Variants in PEX3 observed in about 807,000 individuals in gnomAD.
The protein encoded by PEX3 is peroxin-3.
A neutral mutation model predicts 55.8 loss-of-function variants in PEX3; 30 were observed. That is an observed-to-expected ratio of 0.54 (90% CI 0.40 to 0.73). The LOEUF (loss-of-function observed/expected upper bound fraction) is 0.73, where lower values mean the gene tolerates loss of function less well. PEX3 is among the 30% of genes least tolerant of loss of function. The pLI is 0.00. For missense variants in PEX3, 351 were observed against 432.8 expected (o/e 0.81, Z 1.68); for synonymous variants, 135 against 148.4 (o/e 0.91, Z 0.66).
At chr6:143,480,553 C>T (rs1190769639) in intron 10 of PEX3, among the ~76,000 whole-genome samples, 1 of 152,122 alleles carries the variant, frequency 6.6e-6, no homozygotes, top group Non-Finnish European at 1.5e-5. Context: ...ATCTTGTGCC[C>T]TTTCATGTCT....
chr6:143,462,357 A>G lies in PEX3; in HGVS notation c.206-559A>G, dbSNP rs1158039330. Among the ~76,000 whole-genome samples, 1 of 152,194 alleles carries G rather than the reference A, an allele frequency of 6.6e-6. No individual in the cohort carries two copies. The highest frequency in any genetic ancestry group is 1.5e-5 in the Non-Finnish European group (1 of 68,032). Reference sequence around the variant, plus strand: ...AAACATGTACAATAAACAGTAACAAATAATACCCACTGACAAAACTAAAAC... The same window carrying G: ...AAACATGTACAATAAACAGTAACAAGTAATACCCACTGACAAAACTAAAAC... On this transcript the variant is annotated intron_variant, in intron 2 of 11. Transcript: ENST00000367591. This position sits in a 1 kb window ranked among gnomAD's most constrained non-coding sequence, Gnocchi z 4.1.
At chr6:143,472,068 G>A in intron 7 of PEX3, 92 bp from the exon 8 acceptor site, 1 of 886,420 alleles carries the variant, frequency 1.1e-6, no homozygotes, top group Non-Finnish European at 1.8e-6. Context: ...AGAAGAAACA[G>A]GATTTTAGAT....
chr6:143,473,957 C>T (rs1780112256), intron 8 of PEX3, among the ~76,000 whole-genome samples: 1 of 151,280 alleles, frequency 6.6e-6, no homozygotes, highest in Admixed American at 6.6e-5. Flanking sequence ...CAAGACCCTA[C>T]CCCTACAAAA....
rs895225240 is a variant in PEX3 at position 143,465,238 on chromosome 6, C to G, written c.287+2241C>G. Among the ~76,000 whole-genome samples, 1 of 151,854 alleles carries G rather than the reference C, an allele frequency of 6.6e-6. No individual in the cohort carries two copies. The highest frequency in any genetic ancestry group is 1.5e-5 in the Non-Finnish European group (1 of 67,850). ...ATATTTGTGTTGAAGGTACTTTTCT[C>G]TGTTCTACATAGATTTGGAATCTTT... On this transcript the variant is annotated intron_variant, in intron 3 of 11. Coordinates refer to ENST00000367591, the MANE Select transcript of PEX3 (RefSeq NM_003630.3). The surrounding 1 kb of genome is among the most constrained non-coding windows in gnomAD (Gnocchi z 4.7).
rs780373327 is a variant in PEX3 at position 143,479,117 on chromosome 6, G to T, written c.860G>T (p.Gly287Val). ...GTTTTGAATACCTGTTTAAACCGAG[G>T]TTTTAGTAGACTTCTAGACAATATG... ...STVLNTCLNR[G>V]FSRLLDNMAE... The change falls in exon 10 of 12, where the codon GGT becomes GTT. Residue 287 changes from glycine (G) to valine (V), a missense_variant. By Grantham distance (109) the Gly-to-Val change is moderately radical. Transcript: ENST00000367591. The surrounding 1 kb of genome is among the most constrained non-coding windows in gnomAD (Gnocchi z 4.6). The T allele has an allele frequency of 1.9e-6, 3 of 1,593,046 alleles. No homozygotes were observed. In the East Asian group the frequency reaches 6.7e-5, roughly 36 times the overall value.
rs1395214149 is a variant in PEX3, at chr6:143,464,697, A to G, written c.287+1700A>G. On this transcript the variant is annotated intron_variant, in intron 3 of 11. Transcript: ENST00000367591. The surrounding 1 kb of genome is among the most constrained non-coding windows in gnomAD (Gnocchi z 5.8). Reference sequence around the variant, plus strand: ...GGCTTTCTTTTGATTTGAAATTACTATTTGTAATTTGGTGGGGGGAGAAGG... The same window carrying G: ...GGCTTTCTTTTGATTTGAAATTACTGTTTGTAATTTGGTGGGGGGAGAAGG... Among the ~76,000 whole-genome samples the G allele has an allele frequency of 6.6e-6, 1 of 151,710 alleles. No individual in the cohort carries two copies. Among genetic ancestry groups the G allele is most frequent in the Non-Finnish European group, 1.5e-5 (1 of 67,782 alleles).
chr6:143,479,234 G>C lies in PEX3; in HGVS notation c.941+36G>C. On this transcript the variant is annotated intron_variant, in intron 10 of 11. Transcript: ENST00000367591. The surrounding 1 kb of genome is among the most constrained non-coding windows in gnomAD (Gnocchi z 4.6). ...ATATAAAAATGTTATACTAATGAAT[G>C]CTCTAAAAAAATGGTGCTTTGCTTG... 6.5e-7 allele frequency: 1 copy of C among 1,528,716 alleles called. No individual in the cohort carries two copies. Among genetic ancestry groups the C allele is most frequent in the Non-Finnish European group, 9.1e-7 (1 of 1,103,440 alleles). 94.7% of individuals were successfully genotyped at this position (1,528,716 alleles called of 1,614,324 possible).
intron 4 of PEX3, among the ~76,000 whole-genome samples, chr6:143,469,913 T>C (rs911620252): frequency 4.1e-4 from 62 of 152,278 alleles, no homozygotes; most frequent in African/African-American, 1.4e-3. Context: ...AACAAACCTT[T>C]CTAGTTCCCT....
chr6:143,471,593 T>C lies in PEX3; in HGVS notation c.560T>C (p.Val187Ala), dbSNP rs1247206718. Residue 187 changes from valine to alanine, a missense_variant, in exon 7 of 12, where the codon GTG (valine) becomes GCG (alanine). By Grantham distance (64) the Val-to-Ala change is moderately conservative. Coordinates refer to ENST00000367591, the MANE Select transcript of PEX3 (RefSeq NM_003630.3). The surrounding 1 kb of genome is among the most constrained non-coding windows in gnomAD (Gnocchi z 5.4). The stretch of plus-strand genomic sequence containing the variant: ...TTGATCACTGTCATTAAACAAGCTG[T>C]GCAGAAGGTTTTAGGAAGGTAAGGC... ...TELITVIKQAVQKVLGSVSLK... is the reference protein window; with the variant it reads ...TELITVIKQAAQKVLGSVSLK... 1.2e-6 allele frequency: 2 copies of C among 1,612,570 alleles called. No homozygotes were observed. The highest frequency in any genetic ancestry group is 8.5e-7 in the Non-Finnish European group (1 of 1,178,966).
Position 143,479,068 on chromosome 6 carries a change from T to TTA in PEX3, c.819-3_819-2dup. 2 of 1,542,636 alleles carry TTA rather than the reference T, an allele frequency of 1.3e-6. No individual in the cohort carries two copies. Among genetic ancestry groups the TTA allele is most frequent in the Admixed American group, 1.7e-5 (1 of 59,802 alleles). On this transcript the variant is annotated splice_region_variant and splice_polypyrimidine_tract_variant and intron_variant, in intron 9 of 11. Coordinates refer to ENST00000367591, the MANE Select transcript of PEX3 (RefSeq NM_003630.3). The surrounding 1 kb of genome is among the most constrained non-coding windows in gnomAD (Gnocchi z 4.6). ...TAAAAAGTAACTTATACTTCTTACT[T>TTA]TATATAGCCCAGATTTTAGTACAGT...
chr6:143,474,951 ATAT>A, intron 9 of PEX3, 95 bp downstream of exon 9: 1 of 662,558 alleles, frequency 1.5e-6, no homozygotes, highest in South Asian at 1.8e-5. Context: ...GGTCGGTATA[ATAT>A]TATATTAAAA....
rs1409453807 is a variant in PEX3 at position 143,459,406 on chromosome 6, C to G, written c.205+190C>G. On this transcript the variant is annotated intron_variant, in intron 2 of 11. Transcript: ENST00000367591. This position sits in a 1 kb window ranked among gnomAD's most constrained non-coding sequence, Gnocchi z 4.2. ...AATCAGTTCATTCATTTTATTTATT[C>G]ATTTAGCAAATACTTGTATCCAGGC... 2.6e-5 allele frequency among the ~76,000 whole-genome samples: 4 copies of G among 152,128 alleles called. No individual in the cohort carries two copies. Among genetic ancestry groups the G allele is most frequent in the Non-Finnish European group, 4.4e-5 (3 of 68,012 alleles).
At chr6:143,481,065 T>C (rs962661575) in intron 10 of PEX3, among the ~76,000 whole-genome samples, 1 of 144,290 alleles carries the variant, frequency 6.9e-6, no homozygotes, top group African/African-American at 2.6e-5. Context: ...ACAAAGTATA[T>C]TATTTACGTG....
chr6:143,462,866 G>C lies in PEX3; in HGVS notation c.206-50G>C. On this transcript the variant is annotated intron_variant, in intron 2 of 11. Transcript: ENST00000367591. This position sits in a 1 kb window ranked among gnomAD's most constrained non-coding sequence, Gnocchi z 4.1. The stretch of plus-strand genomic sequence containing the variant: ...AAAACAATGCGCATTTCTTAGTGAG[G>C]GCAGTCATATCACTTGTGACCTTTT... The C allele has an allele frequency of 7.5e-7, 1 of 1,338,530 alleles. No individual in the cohort carries two copies. The highest frequency in any genetic ancestry group is 1.1e-6 in the Non-Finnish European group (1 of 930,882). The allele number at this position is 1,338,530 out of a possible 1,614,324, so 82.9% of individuals were successfully genotyped here.
Position 143,451,150 on chromosome 6 carries a change from A to C in PEX3, c.73+35A>C. 1.4e-6 allele frequency: 2 copies of C among 1,430,452 alleles called. No homozygotes were observed. Among genetic ancestry groups the C allele is most frequent in the Non-Finnish European group, 2.0e-6 (2 of 1,012,322 alleles). 88.6% of individuals were successfully genotyped at this position (1,430,452 alleles called of 1,614,324 possible). On this transcript the variant is annotated intron_variant, in intron 1 of 11. Transcript: ENST00000367591. The surrounding 1 kb of genome is among the most constrained non-coding windows in gnomAD (Gnocchi z 4.1). Reference sequence around the variant, plus strand: ...AACGTGCTTGAAAGGGGGCATTGGGAGAAGGGGGTGGGAGAGGTGACTTCT... The same window carrying C: ...AACGTGCTTGAAAGGGGGCATTGGGCGAAGGGGGTGGGAGAGGTGACTTCT...
rs1779978178 is a variant in PEX3, at chr6:143,465,368, A to T, written c.287+2371A>T. ...GTAAACATGAAGAAATGTCCTGGGT[A>T]ACTATTACTGTCTTCTCCCACCAAA... is the stretch of plus-strand genomic sequence containing the variant. On this transcript the variant is annotated intron_variant, in intron 3 of 11. Coordinates refer to ENST00000367591, the MANE Select transcript of PEX3 (RefSeq NM_003630.3). This position sits in a 1 kb window ranked among gnomAD's most constrained non-coding sequence, Gnocchi z 4.7. Among the ~76,000 whole-genome samples the T allele has an allele frequency of 6.6e-6, 1 of 151,910 alleles. No homozygotes were observed. The highest frequency in any genetic ancestry group is 2.1e-4 in the South Asian group (1 of 4,828).
rs1779897130 is a variant in PEX3, at chr6:143,459,922, C to T, written c.205+706C>T. 6.6e-6 allele frequency among the ~76,000 whole-genome samples: 1 copy of T among 152,172 alleles called. No individual in the cohort carries two copies. Among genetic ancestry groups the T allele is most frequent in the Admixed American group, 6.5e-5 (1 of 15,276 alleles). ...TAATTAATGGCAATAATTTAACCTC[C>T]AGAGCTAGAAACATAGTCCTGGGAG... On this transcript the variant is annotated intron_variant, in intron 2 of 11. Coordinates refer to ENST00000367591, the MANE Select transcript of PEX3 (RefSeq NM_003630.3). This position sits in a 1 kb window ranked among gnomAD's most constrained non-coding sequence, Gnocchi z 4.2.
intron 1 of PEX3, among the ~76,000 whole-genome samples, chr6:143,455,156 A>G (rs1056805074): frequency 8.3e-5 from 12 of 144,114 alleles, no homozygotes; most frequent in African/African-American, 3.4e-4. Context: ...CATGCAAGAT[A>G]AGACATTTGG....
chr6:143,461,195 A>G (rs909004927), intron 2 of PEX3, among the ~76,000 whole-genome samples: 4 of 152,196 alleles, frequency 2.6e-5, no homozygotes, highest in Non-Finnish European at 5.9e-5. Flanking sequence ...CTGCAAGCCA[A>G]AGTTTCTGGT....
Sources: gnomAD v4.1 joint callset for allele counts (sites outside exome capture counted in the v4.1 genomes callset) on GRCh38, gnomAD v4.1.1 for gene constraint, Gnocchi (gnomAD v3.1) non-coding constraint, MANE v1.5 for transcripts, NCBI Gene and HGNC (gene_info 2026-07-23, HGNC 2026-07-21) for gene names.